CREB5: variants seen among roughly 807,000 people sequenced by gnomAD.
CREB5 encodes the protein cyclic AMP-responsive element-binding protein 5.
CREB5 carries 19 observed loss-of-function variants against 57.1 expected under a neutral mutation model. That is an observed-to-expected ratio of 0.33 (90% CI 0.23 to 0.49). The LOEUF is 0.49. CREB5 is among the 20% of genes least tolerant of loss of function. The pLI, the probability that CREB5 is intolerant of heterozygous loss-of-function variation, is 0.99. For synonymous variants in CREB5, 238 were observed against 238.3 expected (o/e 1.00, Z 0.01); for missense variants, 579 against 671.6 (o/e 0.86, Z 1.52).
intron 4 of CREB5, among the ~76,000 whole-genome samples, chr7:28,511,733 G>A (rs1165414821): frequency 1.3e-5 from 2 of 152,184 alleles, no homozygotes; most frequent in African/African-American, 2.4e-5. Context: ...TGATCTGCCC[G>A]CCTCAGCCTC....
intron 1 of CREB5, among the ~76,000 whole-genome samples, chr7:28,422,769 C>A (rs1788326154): frequency 6.6e-6 from 1 of 152,118 alleles, no homozygotes; most frequent in African/African-American, 2.4e-5. Flanking sequence ...AGTGTATAAT[C>A]CGGAATGGAA....
At chr7:28,402,174 A>G (rs1787480259) in intron 1 of CREB5, among the ~76,000 whole-genome samples, 1 of 152,128 alleles carries the variant, frequency 6.6e-6, no homozygotes, top group Non-Finnish European at 1.5e-5. Context: ...GATGATGAGC[A>G]TTTTTTAATG....
intron 7 of CREB5, among the ~76,000 whole-genome samples, chr7:28,776,625 C>T (rs1272227937): frequency 1.3e-5 from 2 of 152,136 alleles, no homozygotes; most frequent in Non-Finnish European, 2.9e-5. Flanking sequence ...AGTTGTGCAA[C>T]CATCAACACT....
At chr7:28,453,196 C>T (rs924420781) in intron 1 of CREB5, among the ~76,000 whole-genome samples, 12 of 152,018 alleles carry the variant, frequency 7.9e-5, no homozygotes, top group East Asian at 1.9e-4. Context: ...CCAGCACTTT[C>T]GGAGGCCAAG....
rs569742701 is a variant in CREB5 at position 28,505,236 on chromosome 7, A to C, written c.170-2380A>C. Among the ~76,000 whole-genome samples the C allele has an allele frequency of 2.1e-3, 319 of 152,340 alleles. 3 individuals carry two copies. The highest frequency in any genetic ancestry group is 7.4e-3 in the African/African-American group (309 of 41,582). On this transcript the variant is annotated intron_variant, in intron 3 of 10. Transcript: ENST00000357727. Reference sequence around the variant, plus strand: ...CACACACATGCACACACGCACGCACACACGCACATACACCCTTTTACTTTC... The same window carrying C: ...CACACACATGCACACACGCACGCACCCACGCACATACACCCTTTTACTTTC...
intron 5 of CREB5, among the ~76,000 whole-genome samples, chr7:28,645,829 T>G (rs527655950): frequency 6.6e-6 from 1 of 152,152 alleles, no homozygotes; most frequent in South Asian, 2.1e-4. Context: ...TCAGTAGAAA[T>G]TAGCATTTGG....
chr7:28,804,368 CACACCA>C lies in CREB5; in HGVS notation c.873_878del (p.Gln295_His296del). 6.2e-7 allele frequency: 1 copy of C among 1,613,666 alleles called. No homozygotes were observed. Among genetic ancestry groups the C allele is most frequent in the Non-Finnish European group, 8.5e-7 (1 of 1,179,766 alleles). ...ACACTGCCACCCCATCACCCTTACC[CACACCA>C]GCACCAGCACCCAGCACACCATCCT... is the stretch of plus-strand genomic sequence containing the variant. On this transcript the variant is annotated inframe_deletion, in exon 8 of 11. Coordinates refer to ENST00000357727, the MANE Select transcript of CREB5 (RefSeq NM_182898.4).
At chr7:28,499,151 T>C (rs1207652699) in intron 3 of CREB5, among the ~76,000 whole-genome samples, 2 of 145,520 alleles carry the variant, frequency 1.4e-5, no homozygotes, top group African/African-American at 5.2e-5. Flanking sequence ...CTGAGTTCTT[T>C]ATAGGGTTCC....
At chr7:28,508,959 A>G (rs2128607603) in intron 4 of CREB5, among the ~76,000 whole-genome samples, 1 of 152,328 alleles carries the variant, frequency 6.6e-6, no homozygotes, top group South Asian at 2.1e-4. Context: ...TGCATTCTAT[A>G]TTTTGTTGCA....
intron 7 of CREB5, among the ~76,000 whole-genome samples, chr7:28,751,665 G>A (rs769878584): frequency 9.2e-5 from 14 of 152,234 alleles, no homozygotes; most frequent in Admixed American, 1.3e-4. Context: ...ACAGAGTTCC[G>A]ATACACACCA....
intron 1 of CREB5, among the ~76,000 whole-genome samples, chr7:28,401,799 T>A (rs1787469971): frequency 6.6e-6 from 1 of 152,222 alleles, no homozygotes; most frequent in African/African-American, 2.4e-5. Flanking sequence ...ATTTTGTTAA[T>A]CCAGTCTATC....
chr7:28,743,103 G>A (rs1222010976), intron 7 of CREB5, among the ~76,000 whole-genome samples: 1 of 152,116 alleles, frequency 6.6e-6, no homozygotes, highest in Non-Finnish European at 1.5e-5. Context: ...TTTACTAATC[G>A]AGTGTTGAGA....
Position 28,773,884 on chromosome 7 carries a change from G to C in CREB5, c.703-30315G>C, listed in dbSNP as rs138550868. ...GCCTTAGTCACTTAATCTTTTCCTAGCGTCCTTCATTTCAGTTCCCATGCC... is the reference window on the plus strand; with the variant it reads ...GCCTTAGTCACTTAATCTTTTCCTACCGTCCTTCATTTCAGTTCCCATGCC... On this transcript the variant is annotated intron_variant, in intron 7 of 10. Coordinates refer to ENST00000357727, the MANE Select transcript of CREB5 (RefSeq NM_182898.4). Among the ~76,000 whole-genome samples the C allele has an allele frequency of 3.9e-3, 587 of 152,250 alleles. 4 individuals are homozygous for C. The highest frequency in any genetic ancestry group is 0.013 in the African/African-American group (548 of 41,542).
intron 1 of CREB5, among the ~76,000 whole-genome samples, chr7:28,486,668 T>TTTTATATATATATATATA (rs1414635872): frequency 7.8e-5 from 2 of 25,604 alleles, no homozygotes; most frequent in African/African-American, 4.6e-4. Flanking sequence ...TCTCCTATGA[T>TTTTATATATATATATATA]TTTATATATA....
At chr7:28,410,311 C>T (rs975663687), upstream of CREB5, 1 of 456,562 alleles carries the variant, frequency 2.2e-6, no homozygotes, top group African/African-American at 2.0e-5. Context: ...TACCTCTTCC[C>T]GGCCGCTGCC....
intron 5 of CREB5, among the ~76,000 whole-genome samples, chr7:28,713,200 C>A (rs1464474850): frequency 6.6e-6 from 1 of 152,078 alleles, no homozygotes; most frequent in Non-Finnish European, 1.5e-5. Flanking sequence ...CTATGCCTGG[C>A]TACTTTTTGT....
chr7:28,761,721 G>C (rs1335728266), intron 7 of CREB5, among the ~76,000 whole-genome samples: 2 of 150,686 alleles, frequency 1.3e-5, no homozygotes, highest in African/African-American at 4.9e-5. Context: ...AATGATGTGA[G>C]GGATGTGTGT....
intron 5 of CREB5, among the ~76,000 whole-genome samples, chr7:28,628,774 C>G (rs1798097028): frequency 6.6e-6 from 1 of 152,102 alleles, no homozygotes. Flanking sequence ...ATTTCCTCTG[C>G]TGTGACCAAG....
intron 4 of CREB5, among the ~76,000 whole-genome samples, chr7:28,518,334 G>A (rs1176663747): frequency 6.6e-6 from 1 of 152,192 alleles, no homozygotes; most frequent in African/African-American, 2.4e-5. Context: ...AAGCAGTCGT[G>A]TTTTGTGTGA....
Sources: allele counts gnomAD v4.1 joint callset (sites outside exome capture counted in the v4.1 genomes callset), GRCh38; gene constraint gnomAD v4.1.1; transcripts MANE v1.5; gene names NCBI Gene and HGNC (gene_info 2026-07-23, HGNC 2026-07-21).